The following RALGPS1 variants were observed in gnomAD, a reference collection of about 807,000 sequenced individuals.
RALGPS1 encodes the protein Ral GEF with PH domain and SH3 binding motif 1.
Under a neutral mutation model 78.8 loss-of-function variants are expected in RALGPS1, and 19 were observed. The ratio of observed to expected loss-of-function variants is 0.24; its 90% CI spans 0.17 to 0.35. The LOEUF (loss-of-function observed/expected upper bound fraction) is 0.35. Ranked by LOEUF, RALGPS1 falls within the 10% of genes least tolerant of loss-of-function variation. The pLI, the probability that RALGPS1 is intolerant of heterozygous loss-of-function variation, is 1.00. For missense variants in RALGPS1, 454 were observed against 688.3 expected (o/e 0.66, Z 3.81); for synonymous variants, 228 against 256.3 (o/e 0.89, Z 1.06).
At chr9:127,209,775 A>G (rs923849802) in intron 14 of RALGPS1, among the ~76,000 whole-genome samples, 7 of 152,164 alleles carry the variant, frequency 4.6e-5, no homozygotes, top group African/African-American at 1.2e-4. Flanking sequence ...ACCTGCTGCA[A>G]TGTGTGAGGG....
At position 127,112,640 on chromosome 9, in the gene RALGPS1, G is replaced by A. The variant is rs547979408; in HGVS notation, c.610+43284G>A. On this transcript the variant is annotated intron_variant, in intron 8 of 18. Coordinates refer to ENST00000259351, the MANE Select transcript of RALGPS1 (RefSeq NM_014636.3). ...TTGCACTTGAGACCTCAAAGGCTGA[G>A]TCTTTTCTGTGAAATGGGATGATCC... is the stretch of plus-strand genomic sequence containing the variant. Among the ~76,000 whole-genome samples the A allele has an allele frequency of 2.6e-5, 4 of 152,392 alleles. 1 individual carries two copies. The highest frequency in any genetic ancestry group is 9.6e-5 in the African/African-American group (4 of 41,596).
chr9:127,068,526 C>T (rs1375229388), intron 7 of RALGPS1, among the ~76,000 whole-genome samples: 3 of 152,114 alleles, frequency 2.0e-5, no homozygotes, highest in African/African-American at 4.8e-5. Context: ...TGGGCCAGGT[C>T]GCTTTGGGGG....
chr9:127,015,759 T>C (rs759470533), intron 4 of RALGPS1, among the ~76,000 whole-genome samples: 20 of 152,128 alleles, frequency 1.3e-4, no homozygotes, highest in Non-Finnish European at 2.6e-4. Context: ...TGTGGGACAC[T>C]TCATGTATAC....
At chr9:127,080,953 G>C (rs2051112560) in intron 8 of RALGPS1, among the ~76,000 whole-genome samples, 1 of 152,182 alleles carries the variant, frequency 6.6e-6, no homozygotes, top group South Asian at 2.1e-4. Context: ...TTTTGGATAA[G>C]GGATGCTCAG....
intron 1 of RALGPS1, among the ~76,000 whole-genome samples, chr9:126,938,534 A>T (rs1350178584): frequency 6.6e-6 from 1 of 152,090 alleles, no homozygotes; most frequent in African/African-American, 2.4e-5. Flanking sequence ...GCATGGAGGA[A>T]TGTGCTCTTG....
chr9:127,214,673 A>G, intron 17 of RALGPS1, 78 bp from the exon 18 acceptor site: 1 of 1,536,650 alleles, frequency 6.5e-7, no homozygotes. Context: ...ACCCGTGTTT[A>G]CATTTCTCTT....
chr9:127,095,068 A>G (rs2052954299), intron 8 of RALGPS1, among the ~76,000 whole-genome samples: 1 of 152,226 alleles, frequency 6.6e-6, no homozygotes, highest in African/African-American at 2.4e-5. Flanking sequence ...AATGGCTGAA[A>G]GAAAGAAAAT....
rs2062353643 is a variant in RALGPS1 at position 127,212,828 on chromosome 9, G to A, written c.1446+109G>A. ...AAAGGGATCTGTGTGAACTGCGGAG[G>A]ATGCAGGTGGGAAGGCGGCAGGGGA... is the stretch of plus-strand genomic sequence containing the variant. On this transcript the variant is annotated intron_variant, in intron 16 of 18. Coordinates refer to ENST00000259351, the MANE Select transcript of RALGPS1 (RefSeq NM_014636.3). This position sits in a 1 kb window ranked among gnomAD's most constrained non-coding sequence, Gnocchi z 6.0. The A allele has an allele frequency of 6.4e-7, 1 of 1,550,794 alleles. No individual in the cohort carries two copies. Among genetic ancestry groups the A allele is most frequent in the African/African-American group, 1.4e-5 (1 of 73,356 alleles).
chr9:127,151,522 T>C lies in RALGPS1; in HGVS notation c.611-14547T>C, dbSNP rs565354532. Among the ~76,000 whole-genome samples, 10 of 152,306 alleles carry C rather than the reference T, an allele frequency of 6.6e-5. No homozygotes were observed. The East Asian group carries it at 1.7e-3, about 26-fold the overall frequency. On this transcript the variant is annotated intron_variant, in intron 8 of 18. Transcript: ENST00000259351. ...GGACAGCAGCTACCATACAGCATCA[T>C]AGCTGGTCTGGTGGAGTGTATAATT...
intron 4 of RALGPS1, among the ~76,000 whole-genome samples, chr9:127,005,474 G>A (rs1052072687): frequency 1.3e-5 from 2 of 152,172 alleles, no homozygotes; most frequent in African/African-American, 2.4e-5. Context: ...CTGTGTCAGC[G>A]TGCATTGATG....
chr9:127,218,705 G>A lies in RALGPS1; in HGVS notation c.1645-35G>A, dbSNP rs760523018. On this transcript the variant is annotated intron_variant, in intron 18 of 18. Coordinates refer to ENST00000259351, the MANE Select transcript of RALGPS1 (RefSeq NM_014636.3). This position sits in a 1 kb window ranked among gnomAD's most constrained non-coding sequence, Gnocchi z 4.4. ...CCACCCCTTGTCCTTCTCTGAGGTC[G>A]GAACTTTAACAAGAGGCTGAGCTTT... 4.3e-5 allele frequency: 69 copies of A among 1,609,676 alleles called. No homozygotes were observed. Among genetic ancestry groups the A allele is most frequent in the Non-Finnish European group, 5.4e-5 (63 of 1,176,084 alleles).
rs551324350 is a variant in RALGPS1, at chr9:127,200,041, T to A, written c.1247+975T>A. 5.3e-5 allele frequency among the ~76,000 whole-genome samples: 8 copies of A among 152,288 alleles called. No homozygotes were observed. In the East Asian group the frequency reaches 1.5e-3, roughly 29 times the overall value. ...GCACACGCTCACACATGTGCTTGTGTATACATTCATATAACCACACTGTCA... is the reference window on the plus strand; with the variant it reads ...GCACACGCTCACACATGTGCTTGTGAATACATTCATATAACCACACTGTCA... On this transcript the variant is annotated intron_variant, in intron 14 of 18. Coordinates refer to ENST00000259351, the MANE Select transcript of RALGPS1 (RefSeq NM_014636.3).
At chr9:127,123,740 C>T (rs1301140404) in intron 8 of RALGPS1, among the ~76,000 whole-genome samples, 2 of 152,116 alleles carry the variant, frequency 1.3e-5, no homozygotes, top group Non-Finnish European at 1.5e-5. Context: ...ATGCAAGCAT[C>T]CTCCAGACAC....
intron 8 of RALGPS1, among the ~76,000 whole-genome samples, chr9:127,144,441 C>T (rs150688942): frequency 2.4e-3 from 368 of 152,290 alleles, no homozygotes; most frequent in Non-Finnish European, 4.0e-3. Context: ...ATCAAACTTA[C>T]GATTTCACTC....
chr9:126,978,080 A>G lies in RALGPS1; in HGVS notation c.216+335A>G, dbSNP rs575593026. ...TGCTTTCAAGAAGTGATGTGAGGGAACATTTTTCTGGAAAGTTCTCTTTTT... is the reference window on the plus strand; with the variant it reads ...TGCTTTCAAGAAGTGATGTGAGGGAGCATTTTTCTGGAAAGTTCTCTTTTT... On this transcript the variant is annotated intron_variant, in intron 4 of 18. Coordinates refer to ENST00000259351, the MANE Select transcript of RALGPS1 (RefSeq NM_014636.3). 3.0e-5 allele frequency: 6 copies of G among 203,032 alleles called. No homozygotes were observed. The East Asian group carries it at 6.5e-4, about 22-fold the overall frequency. The allele number at this position is 203,032 out of a possible 1,614,324, so 12.6% of individuals were successfully genotyped here.
intron 18 of RALGPS1, chr9:127,217,419 G>A (rs536446674): frequency 3.0e-6 from 3 of 988,916 alleles, no homozygotes; most frequent in South Asian, 9.3e-5. Context: ...GTGTAAGAAA[G>A]AGTGTGACAG....
chr9:127,028,249 C>T (rs1473023301), intron 4 of RALGPS1, among the ~76,000 whole-genome samples: 2 of 152,268 alleles, frequency 1.3e-5, no homozygotes, highest in Non-Finnish European at 2.9e-5. Context: ...CTCCTCTAGG[C>T]TGCAAGCCTG....
At chr9:127,116,892 G>A (rs1214568383) in intron 8 of RALGPS1, among the ~76,000 whole-genome samples, 2 of 152,202 alleles carry the variant, frequency 1.3e-5, no homozygotes, top group Non-Finnish European at 1.5e-5. Context: ...ACCAAGTGGT[G>A]GAGCTGGGCC....
intron 8 of RALGPS1, among the ~76,000 whole-genome samples, chr9:127,159,673 C>G (rs967671271): frequency 6.6e-6 from 1 of 152,180 alleles, no homozygotes; most frequent in African/African-American, 2.4e-5. Flanking sequence ...TCTCAGGGAG[C>G]CTGGGCCGCC....
Sources: allele counts gnomAD v4.1 joint callset (sites outside exome capture counted in the v4.1 genomes callset), GRCh38; gene constraint gnomAD v4.1.1; non-coding constraint Gnocchi (gnomAD v3.1); transcripts MANE v1.5; gene names NCBI Gene and HGNC (gene_info 2026-07-23, HGNC 2026-07-21).